TNS3: variants seen among roughly 807,000 people sequenced by gnomAD.
TNS3 encodes tensin 3.
TNS3 carries 45 observed loss-of-function variants against 140.9 expected under a neutral mutation model. The observed-to-expected ratio is 0.32, with a 90% CI of 0.25 to 0.41. TNS3 has a LOEUF of 0.41. Among genes scored for constraint, TNS3 ranks in the 10% least tolerant of loss-of-function variants. The pLI is 1.00. For missense variants in TNS3, 1,716 were observed against 1,906.7 expected, an observed-to-expected ratio of 0.90 and a Z score of 1.86; for synonymous variants, 815 against 788.4, an observed-to-expected ratio of 1.03 and a Z score of -0.56.
chr7:47,470,944 T>C (rs1796925990), intron 4 of TNS3, among the ~76,000 whole-genome samples: 1 of 146,234 alleles, frequency 6.8e-6, no homozygotes, highest in Non-Finnish European at 1.5e-5. Context: ...GTGTGTTTTG[T>C]TTTTTGTTTT....
At chr7:47,281,154 C>A (rs993664225) in intron 28 of TNS3, among the ~76,000 whole-genome samples, 2 of 152,188 alleles carry the variant, frequency 1.3e-5, no homozygotes, top group African/African-American at 2.4e-5. Context: ...ACTGAGTGAA[C>A]AATAAAGTGC....
chr7:47,372,011 A>G (rs1001721322), intron 16 of TNS3, among the ~76,000 whole-genome samples: 6 of 152,268 alleles, frequency 3.9e-5, no homozygotes, highest in Non-Finnish European at 1.5e-5. Context: ...GTAAACATCA[A>G]TTTAATTTGG....
intron 20 of TNS3, among the ~76,000 whole-genome samples, chr7:47,317,072 A>C (rs982615705): frequency 2.6e-5 from 4 of 152,268 alleles, no homozygotes; most frequent in African/African-American, 9.6e-5. Context: ...TGATGTCAAC[A>C]TAATACAAAT....
At chr7:47,471,232 C>T (rs2151740899) in intron 4 of TNS3, among the ~76,000 whole-genome samples, 1 of 152,310 alleles carries the variant, frequency 6.6e-6, no homozygotes. Flanking sequence ...CAACCACAGG[C>T]ATCAGTCCCA....
At chr7:47,538,442 T>C (rs749438327) in intron 1 of TNS3, among the ~76,000 whole-genome samples, 5 of 152,104 alleles carry the variant, frequency 3.3e-5, no homozygotes, top group Non-Finnish European at 5.9e-5. Flanking sequence ...CTAGGAGCAG[T>C]GTCCCAGAGC....
chr7:47,305,651 G>A (rs1319024800), intron 20 of TNS3, among the ~76,000 whole-genome samples: 1 of 152,226 alleles, frequency 6.6e-6, no homozygotes, highest in Non-Finnish European at 1.5e-5. Context: ...CCTCGCAGGT[G>A]GGCCAGAACG....
chr7:47,364,015 T>A lies in TNS3; in HGVS notation c.2281+4350A>T, dbSNP rs572251200. Among the ~76,000 whole-genome samples the A allele has an allele frequency of 2.6e-5, 4 of 152,134 alleles. No homozygotes were observed. The East Asian group carries it at 5.8e-4, about 22-fold the overall frequency. The stretch of plus-strand genomic sequence containing the variant: ...TCAAAGTGCAGGCACTCCAGCAGCA[T>A]CCCCAACCTTCTGACGATGTCCCAG... On this transcript the variant is annotated intron_variant, in intron 17 of 30. Coordinates refer to ENST00000311160, the MANE Select transcript of TNS3 (RefSeq NM_022748.12).
chr7:47,478,393 A>G (rs1797273517), intron 4 of TNS3, among the ~76,000 whole-genome samples: 1 of 144,892 alleles, frequency 6.9e-6, no homozygotes, highest in Non-Finnish European at 1.5e-5. Flanking sequence ...GGACTCATGC[A>G]TGTTCATCTC....
chr7:47,557,417 G>A (rs544258403), intron 1 of TNS3, among the ~76,000 whole-genome samples: 2 of 152,128 alleles, frequency 1.3e-5, no homozygotes, highest in African/African-American at 2.4e-5. Flanking sequence ...CCCATCTAGG[G>A]GGTGCTATCT....
intron 20 of TNS3, among the ~76,000 whole-genome samples, chr7:47,326,768 T>C (rs1788045917): frequency 6.6e-6 from 1 of 152,160 alleles, no homozygotes. Flanking sequence ...ATAAAATACA[T>C]TAAAAGGACA....
At chr7:47,372,999 T>G (rs771478149) in intron 16 of TNS3, among the ~76,000 whole-genome samples, 8 of 152,128 alleles carry the variant, frequency 5.3e-5, no homozygotes, top group African/African-American at 9.7e-5. Context: ...GGGTAGGCCA[T>G]CCCAGGAGCT....
intron 2 of TNS3, among the ~76,000 whole-genome samples, chr7:47,507,329 C>T (rs751996103): frequency 1.4e-4 from 22 of 152,078 alleles, no homozygotes; most frequent in African/African-American, 5.3e-4. Flanking sequence ...AGAATGCATT[C>T]GTGTGTGCCC....
At chr7:47,340,115 A>ATTTTTTTTTTTT (rs770520080) in intron 20 of TNS3, among the ~76,000 whole-genome samples, 1 of 28,578 alleles carries the variant, frequency 3.5e-5, no homozygotes, top group Non-Finnish European at 6.8e-5. Context: ...ATATATATAT[A>ATTTTTTTTTTTT]TTTTTTTTTT....
chr7:47,499,286 TA>T (rs911813576), intron 3 of TNS3, among the ~76,000 whole-genome samples: 3 of 152,174 alleles, frequency 2.0e-5, no homozygotes, highest in Admixed American at 6.5e-5. Context: ...TGTTAATGTG[TA>T]AAGTGACTTT....
chr7:47,298,058 T>C (rs1347419820), intron 23 of TNS3, among the ~76,000 whole-genome samples: 2 of 152,230 alleles, frequency 1.3e-5, no homozygotes, highest in Non-Finnish European at 2.9e-5. Context: ...AGTGCTGGGA[T>C]TACAGGCGTG....
At chr7:47,364,653 C>G (rs1237256829) in intron 17 of TNS3, among the ~76,000 whole-genome samples, 1 of 152,204 alleles carries the variant, frequency 6.6e-6, no homozygotes, top group African/African-American at 2.4e-5. Context: ...GCTTTTGACA[C>G]TAAATGAAGT....
intron 12 of TNS3, among the ~76,000 whole-genome samples, chr7:47,413,430 T>C (rs896316826): frequency 3.3e-5 from 5 of 151,658 alleles, no homozygotes; most frequent in Non-Finnish European, 7.4e-5. Flanking sequence ...TTTGTATTTT[T>C]AGTAGAGACG....
rs67341898 is a variant in TNS3 at position 47,437,745 on chromosome 7, T to TACACACAC, written c.151-440_151-433dup. Among the ~76,000 whole-genome samples the TACACACAC allele has an allele frequency of 5.7e-3, 773 of 135,796 alleles. 4 individuals carry two copies. The highest frequency in any genetic ancestry group is 9.4e-3 in the Non-Finnish European group (602 of 64,264). 89.1% of individuals were successfully genotyped at this position (135,796 alleles called of 152,430 possible). ...CTACAAAATATCCCAACATATAGGA[T>TACACACAC]ACACACACACACACACACACACACA... On this transcript the variant is annotated intron_variant, in intron 6 of 30. Transcript: ENST00000311160.
chr7:47,553,717 T>G (rs547375199), intron 1 of TNS3, among the ~76,000 whole-genome samples: 1 of 152,350 alleles, frequency 6.6e-6, no homozygotes, highest in East Asian at 1.9e-4. Context: ...GAAATGAATG[T>G]TGTTTTCATG....
Sources: allele counts gnomAD v4.1 joint callset (sites outside exome capture counted in the v4.1 genomes callset), GRCh38; gene constraint gnomAD v4.1.1; transcripts MANE v1.5; gene names NCBI Gene and HGNC (gene_info 2026-07-23, HGNC 2026-07-21).